Variants in RPH3A observed in about 807,000 individuals in gnomAD.
RPH3A encodes rabphilin-3A.
Under a neutral mutation model 102.2 loss-of-function variants are expected in RPH3A, and 48 were observed. The ratio of observed to expected loss-of-function variants is 0.47; its 90% CI spans 0.37 to 0.60. The LOEUF (loss-of-function observed/expected upper bound fraction) is 0.60. RPH3A is among the 20% of genes least tolerant of loss of function. The pLI is 0.00. For missense variants in RPH3A, 781 were observed against 910.1 expected (o/e 0.86, Z 1.83); for synonymous variants, 310 against 324.3 (o/e 0.96, Z 0.47).
intron 1 of RPH3A, among the ~76,000 whole-genome samples, chr12:112,621,501 G>A (rs1197108500): frequency 1.5e-4 from 22 of 145,980 alleles, no homozygotes; most frequent in Admixed American, 3.4e-4. Flanking sequence ...TTTTCAGACC[G>A]GCTTAAAAAA....
intron 1 of RPH3A, among the ~76,000 whole-genome samples, chr12:112,643,572 C>G (rs2039905922): frequency 6.6e-6 from 1 of 152,226 alleles, no homozygotes; most frequent in Non-Finnish European, 1.5e-5. Flanking sequence ...TAAAATCCAG[C>G]CTCACTTTCA....
intron 1 of RPH3A, among the ~76,000 whole-genome samples, chr12:112,769,727 A>AAAAAATGAACTTAATAGC (rs1423910815): frequency 6.6e-6 from 1 of 152,346 alleles, no homozygotes; most frequent in Non-Finnish European, 1.5e-5. Context: ...TGTTAAGTTC[A>AAAAAATGAACTTAATAGC]CTGACCATAT....
At chr12:112,725,250 GAAAAAAAAAAAAAAAAAA>G (rs35952537) in intron 1 of RPH3A, among the ~76,000 whole-genome samples, 1 of 63,056 alleles carries the variant, frequency 1.6e-5, no homozygotes, top group African/African-American at 5.6e-5. Flanking sequence ...CTTTGTCTCA[GAAAAAAAAAAAAAAAAAA>G]AAAAAAAAAA....
At chr12:112,732,164 C>A (rs953420489) in intron 1 of RPH3A, among the ~76,000 whole-genome samples, 26 of 152,184 alleles carry the variant, frequency 1.7e-4, no homozygotes, top group African/African-American at 6.0e-4. Flanking sequence ...CGTGGTGGGT[C>A]CTGTGGAGGC....
At chr12:112,667,026 C>A (rs2040087778) in intron 1 of RPH3A, among the ~76,000 whole-genome samples, 1 of 152,176 alleles carries the variant, frequency 6.6e-6, no homozygotes, top group African/African-American at 2.4e-5. Context: ...GACCTTACTT[C>A]ACCTCTGCAG....
At chr12:112,882,644 A>C (rs1181398266) in intron 15 of RPH3A, among the ~76,000 whole-genome samples, 1 of 152,170 alleles carries the variant, frequency 6.6e-6, no homozygotes, top group African/African-American at 2.4e-5. Context: ...ACAGTTCCTC[A>C]CCTGGCCATG....
At chr12:112,790,428 T>G (rs2041086696), upstream of RPH3A, among the ~76,000 whole-genome samples, 1 of 152,176 alleles carries the variant, frequency 6.6e-6, no homozygotes, top group Non-Finnish European at 1.5e-5. Flanking sequence ...CTGGGTCTCA[T>G]GGGGAGAAGT....
intron 1 of RPH3A, among the ~76,000 whole-genome samples, chr12:112,699,582 A>G (rs573979322): frequency 7.2e-5 from 11 of 152,338 alleles, no homozygotes; most frequent in Admixed American, 7.2e-4. Context: ...AAACCAACCT[A>G]TAGTGACAGA....
chr12:112,869,590 A>T, intron 8 of RPH3A, 169 bp from the exon 9 acceptor site: 2 of 662,710 alleles, frequency 3.0e-6, no homozygotes, highest in Non-Finnish European at 5.1e-6. Flanking sequence ...AAAAAATGTG[A>T]AATTGTAAAC....
chr12:112,776,900 A>C (rs1415700766), intron 1 of RPH3A, among the ~76,000 whole-genome samples: 1 of 96,710 alleles, frequency 1.0e-5, no homozygotes, highest in Non-Finnish European at 2.2e-5. Flanking sequence ...AAAAAAAAAA[A>C]AAAAAAAAAA....
chr12:112,893,097 A>C (rs1593138283), intron 19 of RPH3A: 1 of 150,278 alleles, frequency 6.7e-6, no homozygotes, highest in African/African-American at 2.5e-5. Flanking sequence ...TCTCTCTACC[A>C]CCCCCTCCCC....
At chr12:112,653,735 C>T (rs2039992597) in intron 1 of RPH3A, among the ~76,000 whole-genome samples, 1 of 152,030 alleles carries the variant, frequency 6.6e-6, no homozygotes, top group Non-Finnish European at 1.5e-5. Flanking sequence ...AAGCCTAGTG[C>T]CCAATAGTTA....
At chr12:112,849,121 G>A (rs1000043941) in intron 5 of RPH3A, among the ~76,000 whole-genome samples, 2 of 152,180 alleles carry the variant, frequency 1.3e-5, no homozygotes, top group Admixed American at 6.5e-5. Flanking sequence ...GGGGGTTAAC[G>A]AGGTTCTTGG....
At chr12:112,794,795 C>T (rs1294203800) in intron 2 of RPH3A, among the ~76,000 whole-genome samples, 2 of 152,136 alleles carry the variant, frequency 1.3e-5, no homozygotes, top group African/African-American at 4.8e-5. Flanking sequence ...ATAAACCCAC[C>T]ATTATGAAGA....
intron 15 of RPH3A, among the ~76,000 whole-genome samples, chr12:112,882,595 G>A (rs1162255521): frequency 3.3e-5 from 5 of 152,172 alleles, no homozygotes; most frequent in South Asian, 2.1e-4. Context: ...ACACACACGC[G>A]TATACTTTGT....
intron 7 of RPH3A, 61 bp from the exon 8 acceptor site, chr12:112,868,369 T>G (rs1027032319): frequency 2.6e-6 from 4 of 1,559,096 alleles, no homozygotes; most frequent in Middle Eastern, 1.7e-4. Context: ...TGGGCACTCA[T>G]GAAGGTAAGA....
chr12:112,810,061 G>A (rs2041542324), intron 2 of RPH3A, among the ~76,000 whole-genome samples: 1 of 152,134 alleles, frequency 6.6e-6, no homozygotes, highest in South Asian at 2.1e-4. Context: ...AGGCCTGCTG[G>A]GGACATTTCA....
At chr12:112,589,982 C>G (rs889664353) in intron 1 of RPH3A, among the ~76,000 whole-genome samples, 3 of 151,578 alleles carry the variant, frequency 2.0e-5, no homozygotes, top group Non-Finnish European at 2.9e-5. Flanking sequence ...ACTTGGGAGG[C>G]TGAGGCAGGA....
intron 1 of RPH3A, among the ~76,000 whole-genome samples, chr12:112,728,716 A>G (rs577650893): frequency 6.6e-6 from 1 of 152,286 alleles, no homozygotes; most frequent in Non-Finnish European, 1.5e-5. Flanking sequence ...AAACAAATAC[A>G]CAAAACTGAA....
Sources: allele counts gnomAD v4.1 joint callset (sites outside exome capture counted in the v4.1 genomes callset), GRCh38; gene constraint gnomAD v4.1.1; transcripts MANE v1.5; gene names NCBI Gene and HGNC (gene_info 2026-07-23, HGNC 2026-07-21).